Variants in PLCL2 observed in about 807,000 individuals in gnomAD.
The protein encoded by PLCL2 is inactive phospholipase C-like protein 2.
Under a neutral mutation model 79.6 loss-of-function variants are expected in PLCL2, and 4 were observed. That is an observed-to-expected ratio of 0.05 (90% confidence interval 0.02 to 0.11). PLCL2 has a LOEUF of 0.11. PLCL2 is among the 10% of genes least tolerant of loss of function. The pLI, the probability that PLCL2 is intolerant of heterozygous loss-of-function variation, is 1.00. For synonymous variants in PLCL2, 484 were observed against 457.7 expected (o/e 1.06, Z -0.73); for missense variants, 895 against 1,291.0 (o/e 0.69, Z 4.70).
At chr3:16,932,558 A>G (rs1697430657) in intron 1 of PLCL2, among the ~76,000 whole-genome samples, 2 of 152,208 alleles carry the variant, frequency 1.3e-5, no homozygotes, top group South Asian at 2.1e-4. Context: ...AAGATGTTTC[A>G]TAATTACCAT....
At chr3:17,059,420 A>ATG (rs1316830842) in intron 4 of PLCL2, among the ~76,000 whole-genome samples, 67 of 146,426 alleles carry the variant, frequency 4.6e-4, no homozygotes, top group African/African-American at 1.6e-3. Context: ...GTATGTGTGT[A>ATG]TGTGTGTGTG....
intron 4 of PLCL2, among the ~76,000 whole-genome samples, chr3:17,063,196 A>C: frequency 8.2e-6 from 1 of 122,092 alleles, no homozygotes; most frequent in Admixed American, 8.6e-5. Flanking sequence ...TTCATCAACA[A>C]AAAACACTTG....
intron 1 of PLCL2, among the ~76,000 whole-genome samples, chr3:16,906,650 G>A (rs1696758908): frequency 6.6e-6 from 1 of 152,024 alleles, no homozygotes; most frequent in Non-Finnish European, 1.5e-5. Context: ...AGTTTATTTT[G>A]TGAATATATG....
chr3:17,044,725 T>G (rs1009685826), intron 4 of PLCL2, among the ~76,000 whole-genome samples: 4 of 152,236 alleles, frequency 2.6e-5, no homozygotes, highest in African/African-American at 9.6e-5. Context: ...TTGTGGACTT[T>G]GTGGAATTTG....
At chr3:17,083,067 A>C in intron 5 of PLCL2, among the ~76,000 whole-genome samples, 1 of 152,084 alleles carries the variant, frequency 6.6e-6, no homozygotes, top group East Asian at 1.9e-4. Context: ...GAAGACAAAA[A>C]TTCCTGCCCT....
At chr3:16,984,948 A>G (rs1298455094) in intron 1 of PLCL2, among the ~76,000 whole-genome samples, 2 of 152,068 alleles carry the variant, frequency 1.3e-5, no homozygotes, top group Non-Finnish European at 2.9e-5. Flanking sequence ...AAAAGTCCCT[A>G]TTATCCCTAA....
chr3:16,887,968 G>T lies in PLCL2; in HGVS notation c.327+2602G>T, dbSNP rs1696263460. Among the ~76,000 whole-genome samples the T allele has an allele frequency of 6.6e-6, 1 of 152,044 alleles. No individual in the cohort carries two copies. Among genetic ancestry groups the T allele is most frequent in the African/African-American group, 2.4e-5 (1 of 41,372 alleles). On this transcript the variant is annotated intron_variant, in intron 1 of 5. Coordinates refer to ENST00000615277, the MANE Select transcript of PLCL2 (RefSeq NM_001144382.2). This position sits in a 1 kb window ranked among gnomAD's most constrained non-coding sequence, Gnocchi z 4.1. Reference sequence around the variant, plus strand: ...CAAGGTGATAATTGGGGACTTGAGGGAATAGCAGGGAGTGAATGCTACCTG... The same window carrying T: ...CAAGGTGATAATTGGGGACTTGAGGTAATAGCAGGGAGTGAATGCTACCTG...
chr3:17,026,359 A>G (rs1319089685), intron 3 of PLCL2, among the ~76,000 whole-genome samples: 5 of 152,208 alleles, frequency 3.3e-5, no homozygotes, highest in African/African-American at 1.2e-4. Context: ...TCCCTACCAC[A>G]TTAGTATTAG....
At chr3:17,080,205 G>A (rs114932666) in intron 5 of PLCL2, among the ~76,000 whole-genome samples, 37 of 152,280 alleles carry the variant, frequency 2.4e-4, no homozygotes, top group African/African-American at 8.4e-4. Flanking sequence ...CTAACGTCCT[G>A]TACAAAAGCC....
chr3:17,052,045 C>T (rs763923926), intron 4 of PLCL2, among the ~76,000 whole-genome samples: 3 of 151,952 alleles, frequency 2.0e-5, no homozygotes, highest in African/African-American at 4.8e-5. Flanking sequence ...AGAGAACCCC[C>T]AATAGAGAGG....
chr3:17,022,028 G>A (rs1028180011), intron 3 of PLCL2, among the ~76,000 whole-genome samples: 1 of 152,076 alleles, frequency 6.6e-6, no homozygotes, highest in Non-Finnish European at 1.5e-5. Flanking sequence ...CTGTTAGGGG[G>A]CAGTGGTTTA....
intron 1 of PLCL2, among the ~76,000 whole-genome samples, chr3:16,951,144 T>C (rs1429701728): frequency 6.6e-6 from 1 of 152,160 alleles, no homozygotes; most frequent in African/African-American, 2.4e-5. Context: ...GAGTAGTTTA[T>C]GTAACATAGA....
intron 1 of PLCL2, among the ~76,000 whole-genome samples, chr3:16,955,643 G>T (rs1287983886): frequency 6.6e-6 from 1 of 152,004 alleles, no homozygotes; most frequent in Non-Finnish European, 1.5e-5. Flanking sequence ...CACCATATTG[G>T]TTCTTCCTAC....
At chr3:17,000,188 A>C (rs1424585186) in intron 1 of PLCL2, among the ~76,000 whole-genome samples, 1 of 152,184 alleles carries the variant, frequency 6.6e-6, no homozygotes, top group African/African-American at 2.4e-5. Flanking sequence ...TTAAAAGAGA[A>C]TAACTTTTCC....
At chr3:17,059,079 G>A (rs1450225797) in intron 4 of PLCL2, among the ~76,000 whole-genome samples, 1 of 152,062 alleles carries the variant, frequency 6.6e-6, no homozygotes, top group Non-Finnish European at 1.5e-5. Context: ...CTATAAATAT[G>A]ATCAAATACT....
At chr3:16,999,103 T>G (rs1293962840) in intron 1 of PLCL2, among the ~76,000 whole-genome samples, 2 of 152,208 alleles carry the variant, frequency 1.3e-5, no homozygotes, top group Non-Finnish European at 2.9e-5. Flanking sequence ...TATACAAGAC[T>G]TAAATGATCA....
chr3:16,959,584 G>A (rs967701978), intron 1 of PLCL2, among the ~76,000 whole-genome samples: 1 of 152,044 alleles, frequency 6.6e-6, no homozygotes, highest in Non-Finnish European at 1.5e-5. Context: ...GAAGAAAAGA[G>A]CATGGACCTT....
chr3:16,941,483 C>T lies in PLCL2; in HGVS notation c.327+56117C>T, dbSNP rs142886632. Among the ~76,000 whole-genome samples, 69 of 152,314 alleles carry T rather than the reference C, an allele frequency of 4.5e-4. 1 individual carries two copies. The highest frequency in any genetic ancestry group is 1.2e-3 in the African/African-American group (50 of 41,552). ...CAGAGTCTCTCCGTGACAGTCACGA[C>T]GCCCCTGTCTACTTAGCACCCCATG... On this transcript the variant is annotated intron_variant, in intron 1 of 5. Coordinates refer to ENST00000615277, the MANE Select transcript of PLCL2 (RefSeq NM_001144382.2).
intron 1 of PLCL2, among the ~76,000 whole-genome samples, chr3:16,905,838 T>C (rs1005860519): frequency 2.6e-5 from 4 of 152,158 alleles, no homozygotes; most frequent in South Asian, 2.1e-4. Flanking sequence ...TTGGTGAGCC[T>C]GGAGGGAGGT....
Sources: allele counts gnomAD v4.1 joint callset (sites outside exome capture counted in the v4.1 genomes callset), GRCh38; gene constraint gnomAD v4.1.1; non-coding constraint Gnocchi (gnomAD v3.1); transcripts MANE v1.5; gene names NCBI Gene and HGNC (gene_info 2026-07-23, HGNC 2026-07-21).